Variants in STRIP2 observed in about 807,000 individuals in gnomAD.
STRIP2 encodes the protein striatin-interacting protein 2.
STRIP2 carries 84 observed loss-of-function variants against 107.1 expected under a neutral mutation model. The ratio of observed to expected loss-of-function variants is 0.78; its 90% CI spans 0.66 to 0.94. The LOEUF is 0.94. STRIP2 is among the 40% of genes least tolerant of loss of function. The pLI is 0.00. For missense variants in STRIP2, 888 were observed against 1,034.2 expected (o/e 0.86, Z 1.94); for synonymous variants, 394 against 400.4 (o/e 0.98, Z 0.19).
rs1196877256 is a variant in STRIP2, at chr7:129,461,126, A to G, written c.1476+754A>G. On this transcript the variant is annotated intron_variant, in intron 13 of 20. Coordinates refer to ENST00000249344, the MANE Select transcript of STRIP2 (RefSeq NM_020704.3). The surrounding 1 kb of genome is among the most constrained non-coding windows in gnomAD (Gnocchi z 4.0). Reference sequence around the variant, plus strand: ...ACCTGGATTTGGAGATGTAGCTGACAAGACTTGCAGTGCATTTGGATGTGG... The same window carrying G: ...ACCTGGATTTGGAGATGTAGCTGACGAGACTTGCAGTGCATTTGGATGTGG... Among the ~76,000 whole-genome samples, 1 of 152,254 alleles carries G rather than the reference A, an allele frequency of 6.6e-6. No homozygotes were observed. Among genetic ancestry groups the G allele is most frequent in the African/African-American group, 2.4e-5 (1 of 41,470 alleles).
intron 7 of STRIP2, 74 bp downstream of exon 7, chr7:129,454,601 G>A (rs1798292655): frequency 1.1e-6 from 1 of 909,806 alleles, no homozygotes; most frequent in Admixed American, 2.0e-5. Context: ...CTGCCTAGGA[G>A]AGGCAGACAG....
At chr7:129,470,432 C>T (rs1263081212) in intron 17 of STRIP2, among the ~76,000 whole-genome samples, 2 of 152,182 alleles carry the variant, frequency 1.3e-5, no homozygotes, top group Non-Finnish European at 2.9e-5. Context: ...CAGATGGGTG[C>T]CAGCCTCAAA....
intron 5 of STRIP2, 93 bp downstream of exon 5, chr7:129,453,440 C>A: frequency 6.6e-7 from 1 of 1,504,680 alleles, no homozygotes; most frequent in South Asian, 1.3e-5. Context: ...ATAGAGACCC[C>A]CTGTGAGGAA....
At chr7:129,437,057 TATTAA>T (rs1797759307) in intron 1 of STRIP2, among the ~76,000 whole-genome samples, 1 of 152,216 alleles carries the variant, frequency 6.6e-6, no homozygotes, top group Non-Finnish European at 1.5e-5. Flanking sequence ...TAGTTCAATA[TATTAA>T]ATTTAAGAAT....
chr7:129,483,232 T>A lies in STRIP2; in HGVS notation c.2254+186T>A, dbSNP rs538045506. The A allele has an allele frequency of 7.5e-7, 1 of 1,327,990 alleles. No homozygotes were observed. The highest frequency in any genetic ancestry group is 9.6e-7 in the Non-Finnish European group (1 of 1,038,820). 82.3% of individuals were successfully genotyped at this position (1,327,990 alleles called of 1,614,324 possible). ...TGCCTCAAATTCTAGTATGTACCCTTGTCCTATGTAAACTATGAAAATCCG... is the reference window on the plus strand; with the variant it reads ...TGCCTCAAATTCTAGTATGTACCCTAGTCCTATGTAAACTATGAAAATCCG... On this transcript the variant is annotated intron_variant, in intron 20 of 20. Coordinates refer to ENST00000249344, the MANE Select transcript of STRIP2 (RefSeq NM_020704.3). The surrounding 1 kb of genome is among the most constrained non-coding windows in gnomAD (Gnocchi z 5.1).
Position 129,483,078 on chromosome 7 carries a change from A to G in STRIP2, c.2254+32A>G. 6.2e-7 allele frequency: 1 copy of G among 1,610,060 alleles called. No individual in the cohort carries two copies. Among genetic ancestry groups the G allele is most frequent in the Non-Finnish European group, 8.5e-7 (1 of 1,177,112 alleles). The stretch of plus-strand genomic sequence containing the variant: ...CTTCCCAAAGCTCTTGACTTCCTGG[A>G]GTTTCCTGGGGTTTAGACAAAACTA... On this transcript the variant is annotated intron_variant, in intron 20 of 20. Coordinates refer to ENST00000249344, the MANE Select transcript of STRIP2 (RefSeq NM_020704.3). The surrounding 1 kb of genome is among the most constrained non-coding windows in gnomAD (Gnocchi z 5.1).
intron 1 of STRIP2, among the ~76,000 whole-genome samples, chr7:129,434,897 C>G (rs1164923719): frequency 6.6e-6 from 1 of 152,258 alleles, no homozygotes; most frequent in Admixed American, 6.5e-5. Context: ...CACTTAATCG[C>G]TGCAGCCCCC....
chr7:129,478,347 TA>T (rs1313468129), intron 18 of STRIP2, among the ~76,000 whole-genome samples: 2 of 151,854 alleles, frequency 1.3e-5, no homozygotes, highest in African/African-American at 4.8e-5. Flanking sequence ...CCATCTCTAC[TA>T]AAAATACAAA....
chr7:129,476,842 G>T (rs1277032050), intron 18 of STRIP2, among the ~76,000 whole-genome samples: 1 of 152,074 alleles, frequency 6.6e-6, no homozygotes, highest in Non-Finnish European at 1.5e-5. Context: ...GGTGGAGGTT[G>T]TAGCTAGCCG....
chr7:129,459,231 T>C (rs941689379), intron 11 of STRIP2, among the ~76,000 whole-genome samples: 1 of 152,200 alleles, frequency 6.6e-6, no homozygotes, highest in African/African-American at 2.4e-5. Context: ...CAAGGTGTCA[T>C]TGGGCTATAT....
rs1192682550 is a variant in STRIP2 at position 129,482,565 on chromosome 7, ATGGGG to A, written c.2050-275_2050-271del. On this transcript the variant is annotated intron_variant, in intron 19 of 20. Coordinates refer to ENST00000249344, the MANE Select transcript of STRIP2 (RefSeq NM_020704.3). Reference sequence around the variant, plus strand: ...GCTAATTTTTGTATTTTTAGTAGAGATGGGGTTTCATCATGTTGGCCAGGGTGGTC... The same window carrying A: ...GCTAATTTTTGTATTTTTAGTAGAGATTTCATCATGTTGGCCAGGGTGGTC... Among the ~76,000 whole-genome samples the A allele has an allele frequency of 5.3e-5, 8 of 151,754 alleles. No individual in the cohort carries two copies. The East Asian group carries it at 1.6e-3, about 29-fold the overall frequency.
Position 129,460,348 on chromosome 7 carries a change from GC to G in STRIP2, c.1453del (p.Leu485TrpfsTer33). ...ADVQIKNEEE[L>X]EKCPMSLGEE... ...ATGTGCAGATCAAGAATGAAGAGGA[GC>G]TGGAGAAGTGCCCTATGTCTTTGGT... On this transcript the variant is annotated frameshift_variant, in exon 13 of 21. Transcript: ENST00000249344. LOFTEE classifies it high-confidence loss of function. 1 of 1,614,002 alleles carries G rather than the reference GC, an allele frequency of 6.2e-7. No homozygotes were observed. The highest frequency in any genetic ancestry group is 2.2e-5 in the East Asian group (1 of 44,868).
At position 129,456,455 on chromosome 7, in the gene STRIP2, T is replaced by C. The variant is rs1798356014; in HGVS notation, c.851T>C (p.Phe284Ser). 20 of 1,614,052 alleles carry C rather than the reference T, an allele frequency of 1.2e-5. No individual in the cohort carries two copies. The highest frequency in any genetic ancestry group is 1.7e-5 in the Non-Finnish European group (20 of 1,179,978). ...WKVVMFTLGG[F>S]EHLQTLKVQK... Reference sequence around the variant, plus strand: ...CTTCCTTAGTTTACCCTCGGTGGATTTGAGCATCTGCAGACTCTCAAAGTA... The same window carrying C: ...CTTCCTTAGTTTACCCTCGGTGGATCTGAGCATCTGCAGACTCTCAAAGTA... The change falls in exon 9 of 21, where the codon TTT becomes TCT. Residue 284 changes from phenylalanine (F) to serine (S), a missense_variant. Coordinates refer to ENST00000249344, the MANE Select transcript of STRIP2 (RefSeq NM_020704.3).
At chr7:129,467,283 T>C (rs1407322433) in intron 16 of STRIP2, 67 bp from the exon 17 acceptor site, 6 of 1,185,212 alleles carry the variant, frequency 5.1e-6, no homozygotes, top group South Asian at 1.3e-5. Flanking sequence ...TTTCCTCTCT[T>C]TTTTTCAAAC....
intron 18 of STRIP2, among the ~76,000 whole-genome samples, chr7:129,476,335 T>C (rs1167461781): frequency 8.2e-6 from 1 of 122,190 alleles, no homozygotes; most frequent in Non-Finnish European, 1.7e-5. Flanking sequence ...TCCTCACTTC[T>C]CAGACGGGGC....
At chr7:129,451,282 G>A (rs1183727434) in intron 3 of STRIP2, among the ~76,000 whole-genome samples, 2 of 152,078 alleles carry the variant, frequency 1.3e-5, no homozygotes, top group Non-Finnish European at 2.9e-5. Context: ...TGGGAAAGAG[G>A]TCATTTTGTA....
chr7:129,435,827 T>G (rs666499), intron 1 of STRIP2, among the ~76,000 whole-genome samples: 1 of 152,120 alleles, frequency 6.6e-6, no homozygotes, highest in African/African-American at 2.4e-5. Flanking sequence ...GAAACCAGGT[T>G]TTTGGCATCC....
At chr7:129,438,056 C>T (rs1057051119) in intron 1 of STRIP2, among the ~76,000 whole-genome samples, 4 of 152,306 alleles carry the variant, frequency 2.6e-5, no homozygotes, top group Admixed American at 6.5e-5. Flanking sequence ...CCGCCCACCT[C>T]GGCCTCCCAA....
At chr7:129,443,259 C>T (rs966671108) in intron 2 of STRIP2, among the ~76,000 whole-genome samples, 1 of 152,130 alleles carries the variant, frequency 6.6e-6, no homozygotes, top group African/African-American at 2.4e-5. Flanking sequence ...AGGCTAGACT[C>T]AAACTCCTGG....
Sources: allele counts gnomAD v4.1 joint callset (sites outside exome capture counted in the v4.1 genomes callset), GRCh38; gene constraint gnomAD v4.1.1; non-coding constraint Gnocchi (gnomAD v3.1); transcripts MANE v1.5; gene names NCBI Gene and HGNC (gene_info 2026-07-23, HGNC 2026-07-21).